ELP3: variants seen among roughly 807,000 people sequenced by gnomAD.
ELP3 encodes elongator complex protein 3.
In ELP3, 56 loss-of-function variants were observed where a neutral mutation model predicts 74.9. The ratio of observed to expected loss-of-function variants is 0.75; its 90% CI spans 0.60 to 0.93. The LOEUF is 0.93. Among genes scored for constraint, ELP3 ranks in the 40% least tolerant of loss-of-function variants. ELP3 has a pLI of 0.00. For missense variants in ELP3, 573 were observed against 686.5 expected (o/e 0.83, Z 1.85); for synonymous variants, 222 against 239.8 (o/e 0.93, Z 0.68).
intron 14 of ELP3, among the ~76,000 whole-genome samples, chr8:28,188,408 G>C (rs1381387710): frequency 6.6e-6 from 1 of 151,990 alleles, no homozygotes; most frequent in Non-Finnish European, 1.5e-5. Flanking sequence ...TCCTGGGTGG[G>C]GACCTGTCAC....
intron 2 of ELP3, 152 bp from the exon 3 acceptor site, chr8:28,099,676 C>T (rs1283857154): frequency 2.3e-6 from 2 of 853,004 alleles, no homozygotes; most frequent in South Asian, 1.6e-5. Flanking sequence ...TCTTCTATTT[C>T]CCTGATAGTC....
chr8:28,170,193 A>T (rs1814465071), intron 14 of ELP3, among the ~76,000 whole-genome samples: 1 of 152,164 alleles, frequency 6.6e-6, no homozygotes, highest in South Asian at 2.1e-4. Context: ...ATTTAAGGGA[A>T]AAGGAAGTAA....
At chr8:28,185,690 G>A (rs986061847) in intron 14 of ELP3, among the ~76,000 whole-genome samples, 8 of 152,178 alleles carry the variant, frequency 5.3e-5, no homozygotes, top group African/African-American at 9.7e-5. Flanking sequence ...CAGAATGGGC[G>A]GCTGCTGAGG....
At chr8:28,104,262 C>T (rs1261761245) in intron 3 of ELP3, among the ~76,000 whole-genome samples, 1 of 152,086 alleles carries the variant, frequency 6.6e-6, no homozygotes, top group Non-Finnish European at 1.5e-5. Flanking sequence ...TTATCAGGTA[C>T]CAATTATGCA....
rs567094941 is a variant in ELP3, at chr8:28,146,093, T to A, written c.1100+8202T>A. 2.7e-3 allele frequency among the ~76,000 whole-genome samples: 407 copies of A among 152,354 alleles called. 1 individual carries two copies. Among genetic ancestry groups the A allele is most frequent in the Middle Eastern group, 3.4e-3 (1 of 294 alleles). On this transcript the variant is annotated intron_variant, in intron 10 of 14. Transcript: ENST00000256398. ...CCTGCCCTACCCATTACCTTTTTTT[T>A]AAAAAGACTATTTATACTTTTTAGT...
intron 1 of ELP3, 67 bp downstream of exon 1, chr8:28,093,300 T>C: frequency 1.9e-6 from 3 of 1,596,186 alleles, no homozygotes; most frequent in Non-Finnish European, 2.6e-6. Flanking sequence ...GGCAATCAAA[T>C]GCTGAACCGA....
At chr8:28,100,391 C>T (rs1431637992) in intron 3 of ELP3, among the ~76,000 whole-genome samples, 1 of 152,178 alleles carries the variant, frequency 6.6e-6, no homozygotes, top group Admixed American at 6.6e-5. Flanking sequence ...GCAAAAGGGG[C>T]TGGGGAAGGC....
intron 10 of ELP3, among the ~76,000 whole-genome samples, chr8:28,139,044 A>C (rs1273296518): frequency 1.3e-5 from 2 of 152,152 alleles, no homozygotes; most frequent in East Asian, 3.9e-4. Flanking sequence ...AGGGAGCCAC[A>C]GGGTCCAGAG....
intron 10 of ELP3, among the ~76,000 whole-genome samples, chr8:28,152,611 G>T (rs568595732): frequency 6.6e-6 from 1 of 152,292 alleles, no homozygotes; most frequent in Non-Finnish European, 1.5e-5. Flanking sequence ...TTCAAGACCA[G>T]CCTGGCCAAC....
At chr8:28,141,760 GC>G (rs1195118940) in intron 10 of ELP3, among the ~76,000 whole-genome samples, 4 of 152,150 alleles carry the variant, frequency 2.6e-5, no homozygotes, top group African/African-American at 9.7e-5. Flanking sequence ...AGACAACAAA[GC>G]TGCAGTAAAT....
At chr8:28,116,555 C>T (rs142402718) in intron 7 of ELP3, among the ~76,000 whole-genome samples, 1 of 152,282 alleles carries the variant, frequency 6.6e-6, no homozygotes, top group Non-Finnish European at 1.5e-5. Flanking sequence ...GCCTGACCAA[C>T]ATGGTGAAAC....
At chr8:28,173,432 C>T (rs1814612674) in intron 14 of ELP3, among the ~76,000 whole-genome samples, 1 of 151,868 alleles carries the variant, frequency 6.6e-6, no homozygotes, top group Admixed American at 6.6e-5. Context: ...TATTTCTGTA[C>T]AGTAAGTAGT....
chr8:28,157,823 TGA>T (rs1813893562), intron 11 of ELP3, among the ~76,000 whole-genome samples: 1 of 152,174 alleles, frequency 6.6e-6, no homozygotes, highest in Admixed American at 6.5e-5. Context: ...GGAATAGAAG[TGA>T]GAGCCACATC....
intron 7 of ELP3, among the ~76,000 whole-genome samples, chr8:28,114,603 A>G (rs1812050974): frequency 6.6e-6 from 1 of 152,142 alleles, no homozygotes; most frequent in Admixed American, 6.5e-5. Context: ...CCATTTATTT[A>G]TGAGGAATCC....
intron 6 of ELP3, chr8:28,110,693 A>G (rs1811883586): frequency 2.8e-6 from 1 of 361,476 alleles, no homozygotes; most frequent in African/African-American, 2.1e-5. Context: ...GTAGAAAGTC[A>G]TTTGTAGTAT....
intron 8 of ELP3, 50 bp from the exon 9 acceptor site, chr8:28,132,228 G>A (rs752245799): frequency 1.2e-5 from 20 of 1,604,960 alleles, no homozygotes; most frequent in Non-Finnish European, 1.7e-5. Flanking sequence ...TGTAACAGAT[G>A]TTACACAAAT....
chr8:28,152,511 G>A (rs1010905820), intron 10 of ELP3, among the ~76,000 whole-genome samples: 2 of 152,108 alleles, frequency 1.3e-5, no homozygotes, highest in African/African-American at 4.8e-5. Context: ...TCATGTATAA[G>A]AAGCTCGGCA....
At chr8:28,176,610 T>C (rs145812493) in intron 14 of ELP3, among the ~76,000 whole-genome samples, 15 of 152,264 alleles carry the variant, frequency 9.9e-5, no homozygotes, top group Middle Eastern at 3.4e-3. Context: ...TCCAAAATAG[T>C]TGGTTGCAAT....
At chr8:28,160,099 GA>G in intron 12 of ELP3, 129 bp from the exon 13 acceptor site, 1 of 820,650 alleles carries the variant, frequency 1.2e-6, no homozygotes, top group Non-Finnish European at 1.9e-6. Flanking sequence ...CAAGTAAAAA[GA>G]AACATAATTA....
Sources: gnomAD v4.1 joint callset for allele counts (sites outside exome capture counted in the v4.1 genomes callset) on GRCh38, gnomAD v4.1.1 for gene constraint, MANE v1.5 for transcripts, NCBI Gene and HGNC (gene_info 2026-07-23, HGNC 2026-07-21) for gene names.